Variants in MYO18B observed in about 807,000 individuals in gnomAD.
The protein encoded by MYO18B is myosin XVIIIB, also known as unconventional myosin-XVIIIb.
MYO18B carries 204 observed loss-of-function variants against 273.0 expected under a neutral mutation model. The observed-to-expected ratio is 0.75, with a 90% CI of 0.67 to 0.84. MYO18B has a LOEUF of 0.84. Among genes scored for constraint, MYO18B ranks in the 40% least tolerant of loss-of-function variants. MYO18B has a pLI of 0.00. For synonymous variants in MYO18B, 1,330 were observed against 1,305.7 expected, an observed-to-expected ratio of 1.02 and a Z score of -0.40; for missense variants, 3,212 against 3,287.6, an observed-to-expected ratio of 0.98 and a Z score of 0.56.
chr22:25,763,915 T>G (rs1297146565), intron 3 of MYO18B, among the ~76,000 whole-genome samples: 1 of 152,216 alleles, frequency 6.6e-6, no homozygotes, highest in Non-Finnish European at 1.5e-5. Context: ...AGCAGAAAGC[T>G]ATTGAGTTGG....
intron 11 of MYO18B, among the ~76,000 whole-genome samples, chr22:25,786,389 G>A (rs952256500): frequency 1.3e-5 from 2 of 151,794 alleles, no homozygotes; most frequent in Admixed American, 6.6e-5. Context: ...ATGAATAGGA[G>A]TTCACCAGAT....
intron 11 of MYO18B, among the ~76,000 whole-genome samples, chr22:25,790,158 A>AAAC (rs3069287): frequency 0.97 from 147,834 of 152,182 alleles, 71,891 homozygotes; most frequent in Non-Finnish European, 0.99. Flanking sequence ...GTCTCAAAAA[A>AAAC]AAACAACAAA....
intron 34 of MYO18B, among the ~76,000 whole-genome samples, chr22:25,937,880 C>T (rs182019170): frequency 7.0e-4 from 106 of 152,226 alleles, no homozygotes; most frequent in African/African-American, 2.2e-3. Flanking sequence ...CCACCGCTCC[C>T]GGCCGACATT....
chr22:25,790,350 A>G (rs2087607578), intron 11 of MYO18B, among the ~76,000 whole-genome samples: 1 of 152,146 alleles, frequency 6.6e-6, no homozygotes, highest in Non-Finnish European at 1.5e-5. Flanking sequence ...ATGGTTTTAA[A>G]CCTTTTTGTG....
chr22:25,825,308 G>C (rs1200838649), intron 13 of MYO18B, among the ~76,000 whole-genome samples: 1 of 152,206 alleles, frequency 6.6e-6, no homozygotes, highest in Admixed American at 6.5e-5. Flanking sequence ...ATTCAGAGGA[G>C]GGGTGGGAAA....
At chr22:25,752,839 G>A (rs563862078) in intron 1 of MYO18B, among the ~76,000 whole-genome samples, 1 of 152,280 alleles carries the variant, frequency 6.6e-6, no homozygotes, top group Admixed American at 6.5e-5. Context: ...AGGGAGGGAC[G>A]CAGGCGGGAA....
At chr22:25,958,857 T>G (rs930985178) in intron 39 of MYO18B, among the ~76,000 whole-genome samples, 3 of 152,200 alleles carry the variant, frequency 2.0e-5, no homozygotes, top group African/African-American at 7.2e-5. Flanking sequence ...GGCAGCTTCT[T>G]TGTGCCATAT....
chr22:25,959,989 C>T (rs1039616437), intron 39 of MYO18B, among the ~76,000 whole-genome samples: 7 of 152,106 alleles, frequency 4.6e-5, no homozygotes, highest in East Asian at 3.9e-4. Flanking sequence ...CAATCCTTTC[C>T]GCCCGTCCCC....
At chr22:25,998,708 C>T (rs1055515264) in intron 40 of MYO18B, among the ~76,000 whole-genome samples, 1 of 152,182 alleles carries the variant, frequency 6.6e-6, no homozygotes, top group African/African-American at 2.4e-5. Flanking sequence ...GTCATTGGAA[C>T]TTCCAACAGC....
intron 16 of MYO18B, 40 bp downstream of exon 16, chr22:25,833,037 G>T (rs780808529): frequency 6.4e-7 from 1 of 1,570,938 alleles, no homozygotes; most frequent in South Asian, 1.1e-5. Flanking sequence ...TCAGATGCCA[G>T]TTGGCCATAT....
chr22:25,903,146 C>T (rs1439953087), intron 30 of MYO18B: 3 of 204,584 alleles, frequency 1.5e-5, no homozygotes, highest in South Asian at 9.1e-5. Flanking sequence ...CTCTACTACT[C>T]GCAGGAGAAC....
At chr22:25,996,414 G>C (rs1488730876) in intron 40 of MYO18B, among the ~76,000 whole-genome samples, 1 of 152,182 alleles carries the variant, frequency 6.6e-6, no homozygotes, top group Non-Finnish European at 1.5e-5. Context: ...CAGATGAAGA[G>C]AGGTTGAGTA....
chr22:25,769,340 C>A lies in MYO18B; in HGVS notation c.1424C>A (p.Ala475Glu). ...GPSQPALEKD[A>E]ERPRIRKENQ... ...AGCCAGCCTGCTCTGGAGAAGGATG[C>A]AGAAAGGCCTCGGATACGGAAGGAG... is the stretch of plus-strand genomic sequence containing the variant. The change falls in exon 4 of 44, where the codon GCA becomes GAA. Residue 475 changes from alanine to glutamate, a missense_variant. Ala to Glu is a moderately radical substitution (Grantham distance 107). Transcript: ENST00000335473. The A allele has an allele frequency of 6.3e-7, 1 of 1,578,034 alleles. No individual in the cohort carries two copies. Among genetic ancestry groups the A allele is most frequent in the Non-Finnish European group, 8.6e-7 (1 of 1,162,440 alleles).
chr22:25,923,863 T>C (rs966396319), intron 34 of MYO18B, among the ~76,000 whole-genome samples: 4 of 152,204 alleles, frequency 2.6e-5, no homozygotes, highest in Non-Finnish European at 5.9e-5. Context: ...AGAGATTTTG[T>C]TACTTTTTCT....
intron 12 of MYO18B, among the ~76,000 whole-genome samples, chr22:25,801,470 C>G (rs950333437): frequency 6.6e-6 from 1 of 152,338 alleles, no homozygotes; most frequent in South Asian, 2.1e-4. Flanking sequence ...GTCTCTTCCT[C>G]TGTAAAATGG....
chr22:25,781,921 A>G (rs2087178732), intron 10 of MYO18B, 87 bp downstream of exon 10: 2 of 882,428 alleles, frequency 2.3e-6, no homozygotes, highest in African/African-American at 1.7e-5. Context: ...GCTTCTGCCC[A>G]GCACTGAGAG....
intron 21 of MYO18B, among the ~76,000 whole-genome samples, chr22:25,865,280 T>A (rs2090853712): frequency 6.6e-6 from 1 of 152,180 alleles, no homozygotes; most frequent in Non-Finnish European, 1.5e-5. Context: ...CAAGCTTTGT[T>A]GTATGTAAAA....
At chr22:25,958,615 G>A (rs2092881532) in intron 39 of MYO18B, among the ~76,000 whole-genome samples, 1 of 152,058 alleles carries the variant, frequency 6.6e-6, no homozygotes, top group Non-Finnish European at 1.5e-5. Context: ...GGTGAGGAAG[G>A]GCAAGGAATC....
intron 11 of MYO18B, among the ~76,000 whole-genome samples, chr22:25,793,378 G>T (rs2087763202): frequency 6.6e-6 from 1 of 152,130 alleles, no homozygotes; most frequent in Admixed American, 6.5e-5. Flanking sequence ...GGGGCTACAA[G>T]GACATATCAC....
Sources: gnomAD v4.1 joint callset for allele counts (sites outside exome capture counted in the v4.1 genomes callset) on GRCh38, gnomAD v4.1.1 for gene constraint, MANE v1.5 for transcripts, NCBI Gene and HGNC (gene_info 2026-07-23, HGNC 2026-07-21) for gene names.